The following MAN1C1 variants were observed in gnomAD, a reference collection of about 807,000 sequenced individuals.
The protein encoded by MAN1C1 is mannosyl-oligosaccharide 1,2-alpha-mannosidase IC.
MAN1C1 carries 49 observed loss-of-function variants against 71.5 expected under a neutral mutation model. That is an observed-to-expected ratio of 0.69 (90% confidence interval 0.54 to 0.87). The LOEUF (loss-of-function observed/expected upper bound fraction) is 0.87. Ranked by LOEUF, MAN1C1 falls within the 40% of genes least tolerant of loss-of-function variation. The pLI, the probability that MAN1C1 is intolerant of heterozygous loss-of-function variation, is 0.00. For missense variants in MAN1C1, 743 were observed against 835.0 expected, an observed-to-expected ratio of 0.89 and a Z score of 1.36; for synonymous variants, 352 against 343.7, an observed-to-expected ratio of 1.02 and a Z score of -0.27.
intron 1 of MAN1C1, among the ~76,000 whole-genome samples, chr1:25,677,277 C>T (rs1485700108): frequency 6.6e-6 from 1 of 152,066 alleles, no homozygotes; most frequent in Non-Finnish European, 1.5e-5. Flanking sequence ...CTTTGTTTTC[C>T]ACCTTTGCAA....
chr1:25,619,652 T>C (rs2045175489), intron 1 of MAN1C1, among the ~76,000 whole-genome samples: 1 of 152,206 alleles, frequency 6.6e-6, no homozygotes, highest in South Asian at 2.1e-4. Context: ...TGTGTGTGCA[T>C]GTTTGTGTGC....
chr1:25,705,456 G>A (rs1252769954), intron 2 of MAN1C1, among the ~76,000 whole-genome samples: 1 of 152,194 alleles, frequency 6.6e-6, no homozygotes, highest in Admixed American at 6.5e-5. Context: ...TTGTTATATA[G>A]TCTATTATAT....
intron 2 of MAN1C1, among the ~76,000 whole-genome samples, chr1:25,734,687 G>A (rs1467087249): frequency 6.6e-6 from 1 of 152,198 alleles, no homozygotes; most frequent in Non-Finnish European, 1.5e-5. Flanking sequence ...TCCTCACATA[G>A]AGGCAGTGCA....
At chr1:25,698,590 C>A (rs147523252) in intron 2 of MAN1C1, among the ~76,000 whole-genome samples, 1 of 152,056 alleles carries the variant, frequency 6.6e-6, no homozygotes, top group Non-Finnish European at 1.5e-5. Flanking sequence ...ACCGTCCGTG[C>A]GAGTGCTGTG....
chr1:25,770,263 G>C (rs1037081126), intron 7 of MAN1C1, among the ~76,000 whole-genome samples: 1 of 152,152 alleles, frequency 6.6e-6, no homozygotes, highest in East Asian at 1.9e-4. Context: ...GCTTCATCTT[G>C]TCTGTTCCAA....
chr1:25,649,072 C>T (rs935777681), intron 1 of MAN1C1, among the ~76,000 whole-genome samples: 1 of 152,036 alleles, frequency 6.6e-6, no homozygotes, highest in Admixed American at 6.6e-5. Context: ...ATTTCACAAG[C>T]ATTGTTCTTA....
In MAN1C1 at chr1:25,617,587, G is replaced by T; in HGVS notation, c.-211G>T. The T allele has an allele frequency of 2.2e-6, 1 of 461,946 alleles. No homozygotes were observed. The highest frequency in any genetic ancestry group is 3.8e-6 in the Non-Finnish European group (1 of 265,742). 28.6% of individuals were successfully genotyped at this position (461,946 alleles called of 1,614,324 possible). ...GCTCCGCTCGCCCGGGCCCCGCCGA[G>T]GCCGCTGCGCCCCCGCCTCCTCGCG... On this transcript the variant is annotated 5_prime_UTR_variant, in exon 1 of 12. In the 5' UTR this introduces an upstream ATG that the reference lacks. Transcript: ENST00000374332. The surrounding 1 kb of genome is among the most constrained non-coding windows in gnomAD (Gnocchi z 5.1).
intron 1 of MAN1C1, among the ~76,000 whole-genome samples, chr1:25,623,460 G>A (rs572956434): frequency 1.3e-5 from 2 of 151,800 alleles, no homozygotes; most frequent in African/African-American, 2.4e-5. Context: ...GTGGTGGGGG[G>A]GGGTAAGAAT....
intron 1 of MAN1C1, among the ~76,000 whole-genome samples, chr1:25,637,305 A>G (rs2045476674): frequency 6.6e-6 from 1 of 152,058 alleles, no homozygotes; most frequent in South Asian, 2.1e-4. Context: ...GCCTATGTTG[A>G]GCTTAATTCA....
In MAN1C1 at chr1:25,764,796, C is replaced by T. The variant is rs1167334446; in HGVS notation, c.1141+829C>T. ...CAGTGTAGAAATCATGAATTCAGGC[C>T]AAGCACCTGACGGGAGGCCGAGGCA... On this transcript the variant is annotated intron_variant, in intron 7 of 11. Transcript: ENST00000374332. This position sits in a 1 kb window ranked among gnomAD's most constrained non-coding sequence, Gnocchi z 4.4. Among the ~76,000 whole-genome samples, 1 of 151,922 alleles carries T rather than the reference C, an allele frequency of 6.6e-6. No individual in the cohort carries two copies. The highest frequency in any genetic ancestry group is 1.9e-4 in the East Asian group (1 of 5,150).
At chr1:25,713,908 G>A (rs2046646138) in intron 2 of MAN1C1, among the ~76,000 whole-genome samples, 2 of 152,270 alleles carry the variant, frequency 1.3e-5, no homozygotes, top group South Asian at 2.1e-4. Flanking sequence ...TGGAGCTTCC[G>A]AGGGAGTTAA....
At chr1:25,694,189 C>G (rs148110935) in intron 2 of MAN1C1, among the ~76,000 whole-genome samples, 54 of 152,254 alleles carry the variant, frequency 3.5e-4, no homozygotes, top group Non-Finnish European at 5.3e-4. Flanking sequence ...CCTCTCATCC[C>G]CTGCAGCTGC....
At chr1:25,703,271 T>C (rs1424278280) in intron 2 of MAN1C1, among the ~76,000 whole-genome samples, 2 of 152,212 alleles carry the variant, frequency 1.3e-5, no homozygotes, top group African/African-American at 4.8e-5. Context: ...GGTCCCACTT[T>C]ACTAGGTGTG....
At chr1:25,728,538 C>T (rs902694623) in intron 2 of MAN1C1, among the ~76,000 whole-genome samples, 1 of 152,168 alleles carries the variant, frequency 6.6e-6, no homozygotes, top group African/African-American at 2.4e-5. Context: ...TTCTTTCTTG[C>T]TCATGTAAAG....
intron 2 of MAN1C1, among the ~76,000 whole-genome samples, chr1:25,729,266 G>A (rs2046876185): frequency 6.6e-6 from 1 of 152,150 alleles, no homozygotes; most frequent in Non-Finnish European, 1.5e-5. Context: ...TCTCTGCCTG[G>A]AATGTCCCCC....
chr1:25,771,940 C>T (rs772020957), intron 8 of MAN1C1, 168 bp downstream of exon 8: 8 of 603,784 alleles, frequency 1.3e-5, no homozygotes, highest in Non-Finnish European at 2.4e-5. Context: ...CCCAGCCAGG[C>T]ATTTTACACC....
chr1:25,773,275 G>A (rs1479678442), intron 8 of MAN1C1, among the ~76,000 whole-genome samples: 1 of 152,082 alleles, frequency 6.6e-6, no homozygotes, highest in East Asian at 1.9e-4. Context: ...GTAGATAGAT[G>A]GGTGGGTGGG....
intron 2 of MAN1C1, among the ~76,000 whole-genome samples, chr1:25,709,348 C>A (rs2046571454): frequency 6.6e-6 from 1 of 152,202 alleles, no homozygotes; most frequent in Non-Finnish European, 1.5e-5. Context: ...ATAAAAACAG[C>A]AGCTCCAGGC....
chr1:25,783,822 C>T lies in MAN1C1; in HGVS notation c.*33C>T, dbSNP rs776146190. On this transcript the variant is annotated 3_prime_UTR_variant, in exon 12 of 12. Transcript: ENST00000374332. ...TCCTGCCGCCGCCCTGGGGCCGCCGCAGGGATGCCTTGCCTTTTCAGGATT... is the reference window on the plus strand; with the variant it reads ...TCCTGCCGCCGCCCTGGGGCCGCCGTAGGGATGCCTTGCCTTTTCAGGATT... 5 of 1,600,678 alleles carry T rather than the reference C, an allele frequency of 3.1e-6. No individual in the cohort carries two copies. The African/African-American group carries it at 5.3e-5, about 17-fold the overall frequency.
Sources: gnomAD v4.1 joint callset for allele counts (sites outside exome capture counted in the v4.1 genomes callset) on GRCh38, gnomAD v4.1.1 for gene constraint, Gnocchi (gnomAD v3.1) non-coding constraint, MANE v1.5 for transcripts, NCBI Gene and HGNC (gene_info 2026-07-23, HGNC 2026-07-21) for gene names.